ZSCAN30: variants seen among roughly 807,000 people sequenced by gnomAD.
ZSCAN30 encodes the protein zinc finger and SCAN domain containing 30.
In ZSCAN30, 37 loss-of-function variants were observed where a neutral mutation model predicts 44.3. The observed-to-expected ratio is 0.84, with a 90% CI of 0.64 to 1.10. The LOEUF is 1.10. ZSCAN30 is among the 50% of genes least tolerant of loss of function. The pLI, the probability that ZSCAN30 is intolerant of heterozygous loss-of-function variation, is 0.00. For missense variants in ZSCAN30, 549 were observed against 582.6 expected, an observed-to-expected ratio of 0.94 and a Z score of 0.59; for synonymous variants, 181 against 204.6, an observed-to-expected ratio of 0.88 and a Z score of 0.98.
At chr18:35,263,725 G>A (rs2044085028) in intron 2 of ZSCAN30, 68 bp from the exon 3 acceptor site, 3 of 1,568,610 alleles carry the variant, frequency 1.9e-6, no homozygotes, top group Non-Finnish European at 2.6e-6. Context: ...TAGAGCAACA[G>A]GGCAGGAACA....
intron 1 of ZSCAN30, among the ~76,000 whole-genome samples, chr18:35,273,133 C>T (rs1214573178): frequency 6.6e-6 from 1 of 152,194 alleles, no homozygotes; most frequent in Admixed American, 6.5e-5. Flanking sequence ...TCACAAACAT[C>T]CATCTCCAGA....
chr18:35,263,374 G>A, intron 3 of ZSCAN30, 139 bp downstream of exon 3: 1 of 1,057,952 alleles, frequency 9.5e-7, no homozygotes, highest in Non-Finnish European at 1.4e-6. Context: ...AGAGCCTAAG[G>A]AAGAATATTT....
Position 35,254,010 on chromosome 18 carries a change from C to T in ZSCAN30, c.925G>A (p.Ala309Thr), listed in dbSNP as rs780414707. The T allele has an allele frequency of 1.2e-6, 2 of 1,614,184 alleles. No individual in the cohort carries two copies. The highest frequency in any genetic ancestry group is 2.2e-5 in the East Asian group (1 of 44,884). The change falls in exon 4 of 4, where the codon GCC (alanine) becomes ACC (threonine). Residue 309 changes from alanine to threonine, a missense_variant. Coordinates refer to ENST00000333206, the MANE Select transcript of ZSCAN30 (RefSeq NM_001112734.4). ...KLYECFDCGK[A>T]FCQSSKLIRH... ...ATCAGCTTTGAGCTCTGGCAAAAGG[C>T]CTTCCCACAGTCAAAGCACTCATAG... is the stretch of plus-strand genomic sequence containing the variant.
At chr18:35,273,195 C>A (rs2044314331) in intron 1 of ZSCAN30, among the ~76,000 whole-genome samples, 1 of 152,182 alleles carries the variant, frequency 6.6e-6, no homozygotes, top group Admixed American at 6.5e-5. Flanking sequence ...CAGTGATTCC[C>A]CATTTCTCCC....
rs1002336357 is a variant in ZSCAN30 at position 35,253,848 on chromosome 18, C to T, written c.1087G>A (p.Gly363Arg). Residue 363 changes from glycine (G) to arginine (R), a missense_variant, in exon 4 of 4, where the codon GGA (glycine) becomes AGA (arginine). Coordinates refer to ENST00000333206, the MANE Select transcript of ZSCAN30 (RefSeq NM_001112734.4). ...TCTGAACTGCCCCTGAAGGCTTTTC[C>T]ACATTCACAACATTCATAGGGTTTT... ...GEKPYECCEC[G>R]KAFRGSSELI... 3.1e-6 allele frequency: 5 copies of T among 1,614,084 alleles called. No individual in the cohort carries two copies. The highest frequency in any genetic ancestry group is 1.1e-5 in the South Asian group (1 of 91,090).
chr18:35,259,385 T>C lies in ZSCAN30; in HGVS notation c.553+4128A>G, dbSNP rs552367858. 4.6e-5 allele frequency among the ~76,000 whole-genome samples: 7 copies of C among 152,158 alleles called. No homozygotes were observed. In the East Asian group the frequency reaches 1.2e-3, roughly 25 times the overall value. On this transcript the variant is annotated intron_variant, in intron 3 of 3. Coordinates refer to ENST00000333206, the MANE Select transcript of ZSCAN30 (RefSeq NM_001112734.4). ...TTTTGTATTTTTAGTAAAGACAGGG[T>C]TTCACAGTGGTCTTGAACTCCTGAC... is the stretch of plus-strand genomic sequence containing the variant.
chr18:35,256,462 G>C (rs1369684442), intron 3 of ZSCAN30: 5 of 152,064 alleles, frequency 3.3e-5, no homozygotes, highest in African/African-American at 1.2e-4. Context: ...TCGGGAGGAT[G>C]AGGCACGAGA....
chr18:35,253,889 C>A lies in ZSCAN30; in HGVS notation c.1046G>T (p.Arg349Ile), dbSNP rs553339887. The change falls in exon 4 of 4, where the codon AGA becomes ATA. Residue 349 changes from arginine (R) to isoleucine (I), a missense_variant. By Grantham distance (97) the Arg-to-Ile change is moderately conservative (BLOSUM62 -3). Transcript: ENST00000333206. ...SLSSDLVRHQRIHSGEKPYEC... is the reference protein window; with the variant it reads ...SLSSDLVRHQIIHSGEKPYEC... ...ATAGGGTTTTTCACCACTATGAATT[C>A]TCTGATGTCTAACAAGGTCTGAGCT... 1.9e-6 allele frequency: 3 copies of A among 1,614,134 alleles called. No homozygotes were observed. Among genetic ancestry groups the A allele is most frequent in the South Asian group, 1.1e-5 (1 of 91,074 alleles).
intron 1 of ZSCAN30, among the ~76,000 whole-genome samples, chr18:35,288,071 CCG>C (rs2044585224): frequency 6.6e-6 from 1 of 152,082 alleles, no homozygotes; most frequent in South Asian, 2.1e-4. Context: ...AAGGGTGTCA[CCG>C]CGTTGCCCAG....
chr18:35,265,400 G>A (rs1166841538), intron 1 of ZSCAN30, among the ~76,000 whole-genome samples: 1 of 152,170 alleles, frequency 6.6e-6, no homozygotes, highest in Admixed American at 6.5e-5. Flanking sequence ...TTACAAATGA[G>A]GAAACTAAGG....
chr18:35,263,100 G>A, intron 3 of ZSCAN30: 1 of 317,818 alleles, frequency 3.1e-6, no homozygotes, highest in South Asian at 2.4e-5. Flanking sequence ...ATTTAGCCAG[G>A]CATGGTGGTG....
chr18:35,269,211 T>C (rs1264158830), intron 1 of ZSCAN30: 1 of 152,254 alleles, frequency 6.6e-6, no homozygotes, highest in East Asian at 1.9e-4. Context: ...TTTATGGCTA[T>C]GTGTAGGAAA....
rs1210799007 is a variant in ZSCAN30 at position 35,253,830 on chromosome 18, T to C, written c.1105A>G (p.Ser369Gly). Residue 369 changes from serine (S) to glycine (G), a missense_variant, in exon 4 of 4, where the codon AGT becomes GGT. Physicochemically the swap from Ser to Gly is moderately conservative, Grantham distance 56. Transcript: ENST00000333206. ...CCECGKAFRG[S>G]SELIRHRRIH... ...CTCCGATGCCTGATGAGCTCTGAACTGCCCCTGAAGGCTTTTCCACATTCA... is the reference window on the plus strand; with the variant it reads ...CTCCGATGCCTGATGAGCTCTGAACCGCCCCTGAAGGCTTTTCCACATTCA... 6.2e-7 allele frequency: 1 copy of C among 1,614,228 alleles called. No individual in the cohort carries two copies. The highest frequency in any genetic ancestry group is 1.7e-4 in the Middle Eastern group (1 of 6,060).
At position 35,254,050 on chromosome 18, in the gene ZSCAN30, G is replaced by A; in HGVS notation, c.885C>T (p.Asp295=). The A allele has an allele frequency of 5.6e-6, 9 of 1,614,126 alleles. No homozygotes were observed. The highest frequency in any genetic ancestry group is 7.6e-6 in the Non-Finnish European group (9 of 1,180,012). The change falls in exon 4 of 4, where the codon GAC becomes GAT. Residue 295 remains aspartate (D), a synonymous_variant. Coordinates refer to ENST00000333206, the MANE Select transcript of ZSCAN30 (RefSeq NM_001112734.4). Reference sequence around the variant, plus strand: ...AGCACTCATAGAGCTTTTCCCTAGTGTCAACGCTCTGTTGTGTAATATCAT... The same window carrying A: ...AGCACTCATAGAGCTTTTCCCTAGTATCAACGCTCTGTTGTGTAATATCAT... ...NSNDITQQSV[D]TREKLYECFD...
At chr18:35,256,150 TATA>T (rs1288915774) in intron 3 of ZSCAN30, 1 of 152,430 alleles carries the variant, frequency 6.6e-6, no homozygotes, top group Non-Finnish European at 1.5e-5. Context: ...TCCTCAGATG[TATA>T]CATCAGGAAG....
In ZSCAN30 at chr18:35,263,624, C is replaced by G. The variant is rs1326569311; in HGVS notation, c.442G>C (p.Glu148Gln). 1 of 1,614,198 alleles carries G rather than the reference C, an allele frequency of 6.2e-7. No individual in the cohort carries two copies. The highest frequency in any genetic ancestry group is 8.5e-7 in the Non-Finnish European group (1 of 1,180,044). The change falls in exon 3 of 4, where the codon GAA becomes CAA. Residue 148 changes from glutamate (E) to glutamine (Q), a missense_variant. Glu to Gln is a conservative substitution (Grantham distance 29). Coordinates refer to ENST00000333206, the MANE Select transcript of ZSCAN30 (RefSeq NM_001112734.4). Reference protein sequence around the residue: ...TTHGQEMFWQEMTSTGALKSL... With the variant: ...TTHGQEMFWQQMTSTGALKSL... ...TTCAGTGCTCCTGTGGATGTCATTTCCTGCCAGAACATTTCTTGGCCATGA... is the reference window on the plus strand; with the variant it reads ...TTCAGTGCTCCTGTGGATGTCATTTGCTGCCAGAACATTTCTTGGCCATGA...
At chr18:35,263,347 A>C in intron 3 of ZSCAN30, 166 bp downstream of exon 3, 1 of 764,052 alleles carries the variant, frequency 1.3e-6, no homozygotes, top group Non-Finnish European at 2.0e-6. Flanking sequence ...ATGATACTGG[A>C]ATTTCAGATT....
intron 1 of ZSCAN30, among the ~76,000 whole-genome samples, chr18:35,265,124 C>T (rs1423999913): frequency 6.7e-6 from 1 of 150,270 alleles, no homozygotes; most frequent in Non-Finnish European, 1.5e-5. Flanking sequence ...CCAGCCTGGG[C>T]AACAGAGACT....
intron 3 of ZSCAN30, chr18:35,259,560 G>GA (rs1355236361): frequency 1.5e-4 from 23 of 153,714 alleles, no homozygotes; most frequent in African/African-American, 5.5e-4. Context: ...TTCTTTTAAG[G>GA]ACATCAATTA....
Sources: gnomAD v4.1 joint callset for allele counts (sites outside exome capture counted in the v4.1 genomes callset) on GRCh38, gnomAD v4.1.1 for gene constraint, MANE v1.5 for transcripts, NCBI Gene and HGNC (gene_info 2026-07-23, HGNC 2026-07-21) for gene names.